Variants in CYRIB observed in about 807,000 individuals in gnomAD.
The protein encoded by CYRIB is CYFIP-related Rac1 interactor B.
CYRIB carries 8 observed loss-of-function variants against 44.2 expected under a neutral mutation model. That is an observed-to-expected ratio of 0.18 (90% CI 0.11 to 0.33). The LOEUF (loss-of-function observed/expected upper bound fraction) is 0.33. Ranked by LOEUF, CYRIB falls within the 10% of genes least tolerant of loss-of-function variation. The pLI is 1.00. For missense variants in CYRIB, 185 were observed against 382.8 expected, an observed-to-expected ratio of 0.48 and a Z score of 4.31; for synonymous variants, 131 against 127.2, an observed-to-expected ratio of 1.03 and a Z score of -0.20.
At chr8:130,003,112 A>C (rs2096945417) in intron 1 of CYRIB, among the ~76,000 whole-genome samples, 2 of 152,098 alleles carry the variant, frequency 1.3e-5, no homozygotes, top group South Asian at 4.1e-4. Flanking sequence ...AAACTGAGGT[A>C]CTCGGGAGGC....
At position 129,989,340 on chromosome 8, in the gene CYRIB, G is replaced by A. The variant is rs180808045; in HGVS notation, c.-295-18345C>T. Among the ~76,000 whole-genome samples, 151 of 152,292 alleles carry A rather than the reference G, an allele frequency of 9.9e-4. 2 individuals carry two copies. Among genetic ancestry groups the A allele is most frequent in the Non-Finnish European group, 1.9e-3 (126 of 68,032 alleles). On this transcript the variant is annotated intron_variant, in intron 1 of 14. Transcript: ENST00000401979. ...AGCACAGATGGCAGCTGCCCACTGA[G>A]CAATGAAAGGCGGTCTCTACTTCCC...
chr8:129,893,203 A>C (rs1398242148), intron 2 of CYRIB, among the ~76,000 whole-genome samples: 2 of 152,248 alleles, frequency 1.3e-5, no homozygotes, highest in Middle Eastern at 6.3e-3. Flanking sequence ...TCATTATATA[A>C]GCCTCAGATA....
chr8:129,933,732 G>A (rs1233730035), intron 1 of CYRIB, among the ~76,000 whole-genome samples: 1 of 151,946 alleles, frequency 6.6e-6, no homozygotes, highest in African/African-American at 2.4e-5. Flanking sequence ...AAATTAGCTG[G>A]GCATGGTGGC....
intron 1 of CYRIB, among the ~76,000 whole-genome samples, chr8:129,911,673 CA>C (rs1361038948): frequency 3.6e-5 from 5 of 138,026 alleles, no homozygotes; most frequent in Middle Eastern, 3.6e-3. Flanking sequence ...TGGTGGTGTG[CA>C]AAAAAAAAAC....
At chr8:129,867,763 CT>C (rs1587946962) in intron 4 of CYRIB, among the ~76,000 whole-genome samples, 1 of 152,154 alleles carries the variant, frequency 6.6e-6, no homozygotes, top group African/African-American at 2.4e-5. Flanking sequence ...CACATTTTTG[CT>C]ACTATGAATA....
chr8:129,921,534 C>T (rs760698844), intron 1 of CYRIB, among the ~76,000 whole-genome samples: 67 of 152,198 alleles, frequency 4.4e-4, no homozygotes, highest in Non-Finnish European at 1.3e-4. Flanking sequence ...CAGTTCACAG[C>T]AGCCTTAATC....
intron 2 of CYRIB, among the ~76,000 whole-genome samples, chr8:129,898,284 T>A (rs2069298143): frequency 6.6e-6 from 1 of 152,068 alleles, no homozygotes; most frequent in Non-Finnish European, 1.5e-5. Flanking sequence ...CACATACAAT[T>A]CATCCAAAAA....
chr8:129,851,116 C>T (rs1317520949), intron 8 of CYRIB: 1 of 541,778 alleles, frequency 1.8e-6, no homozygotes, highest in Non-Finnish European at 3.3e-6. Context: ...GAAGGCAGGA[C>T]TCTTCTGAAA....
chr8:129,918,348 C>T (rs1052356333), intron 1 of CYRIB, among the ~76,000 whole-genome samples: 7 of 152,150 alleles, frequency 4.6e-5, no homozygotes, highest in African/African-American at 1.7e-4. Flanking sequence ...ATGCCTAATC[C>T]CATGGCTTTT....
chr8:129,868,906 A>C (rs1006932639), intron 4 of CYRIB, among the ~76,000 whole-genome samples: 1 of 150,846 alleles, frequency 6.6e-6, no homozygotes, highest in Non-Finnish European at 1.5e-5. Context: ...AAAAAAAAAA[A>C]AAAAACCCGG....
intron 5 of CYRIB, among the ~76,000 whole-genome samples, chr8:129,861,288 A>G (rs758290357): frequency 1.3e-5 from 2 of 152,128 alleles, no homozygotes; most frequent in Non-Finnish European, 2.9e-5. Flanking sequence ...TCCTCCTCCA[A>G]TAAAGGGAGT....
At chr8:129,872,087 G>GAT (rs1166705816) in intron 3 of CYRIB, among the ~76,000 whole-genome samples, 1 of 151,984 alleles carries the variant, frequency 6.6e-6, no homozygotes, top group Non-Finnish European at 1.5e-5. Flanking sequence ...AAGAAGAGAG[G>GAT]ATATATATAT....
intron 1 of CYRIB, among the ~76,000 whole-genome samples, chr8:129,915,915 C>T (rs1299214983): frequency 1.3e-5 from 2 of 152,034 alleles, no homozygotes; most frequent in Non-Finnish European, 2.9e-5. Flanking sequence ...TTATTACATT[C>T]GTATTTATAT....
At chr8:129,906,392 T>C (rs1029400911) in intron 1 of CYRIB, among the ~76,000 whole-genome samples, 16 of 152,202 alleles carry the variant, frequency 1.1e-4, no homozygotes, top group Admixed American at 8.5e-4. Flanking sequence ...GAAAACTGGC[T>C]AGCCATATGT....
At chr8:129,842,938 C>T (rs1419786975) in intron 11 of CYRIB, among the ~76,000 whole-genome samples, 2 of 152,172 alleles carry the variant, frequency 1.3e-5, no homozygotes, top group Non-Finnish European at 1.5e-5. Context: ...CTCCCAAGTG[C>T]CTTATTTCTA....
intron 1 of CYRIB, among the ~76,000 whole-genome samples, chr8:129,988,560 G>A (rs1303444985): frequency 6.6e-6 from 1 of 152,158 alleles, no homozygotes; most frequent in Non-Finnish European, 1.5e-5. Context: ...GAGGATGAGG[G>A]TAACTCCTCA....
At chr8:129,842,753 T>C (rs1299686592) in intron 11 of CYRIB, among the ~76,000 whole-genome samples, 2 of 152,260 alleles carry the variant, frequency 1.3e-5, no homozygotes, top group Non-Finnish European at 2.9e-5. Context: ...CTATGGTTAC[T>C]TTCTTGTTAT....
chr8:129,983,255 C>T (rs1005668261), intron 1 of CYRIB, among the ~76,000 whole-genome samples: 1 of 152,080 alleles, frequency 6.6e-6, no homozygotes, highest in Non-Finnish European at 1.5e-5. Flanking sequence ...ACCATCCTGG[C>T]TAACACGGTG....
At chr8:129,886,373 T>C (rs529392713) in intron 2 of CYRIB, among the ~76,000 whole-genome samples, 1 of 152,318 alleles carries the variant, frequency 6.6e-6, no homozygotes, top group African/African-American at 2.4e-5. Flanking sequence ...GAACAATACA[T>C]TATCTTGAGT....
Sources: allele counts gnomAD v4.1 joint callset (sites outside exome capture counted in the v4.1 genomes callset), GRCh38; gene constraint gnomAD v4.1.1; transcripts MANE v1.5; gene names NCBI Gene and HGNC (gene_info 2026-07-23, HGNC 2026-07-21).